The following PCDH15 variants were observed in gnomAD, a reference collection of about 807,000 sequenced individuals.
PCDH15 encodes the protein protocadherin-15.
In PCDH15, 129 loss-of-function variants were observed where a neutral mutation model predicts 178.5. The observed-to-expected ratio is 0.72, with a 90% CI of 0.63 to 0.84. The LOEUF is 0.84. Among genes scored for constraint, PCDH15 ranks in the 40% least tolerant of loss-of-function variants. The pLI is 0.00. For synonymous variants in PCDH15, 800 were observed against 732.0 expected, an observed-to-expected ratio of 1.09 and a Z score of -1.50; for missense variants, 2,230 against 2,099.9, an observed-to-expected ratio of 1.06 and a Z score of -1.21.
At chr10:55,452,249 T>C (rs1839451978) in intron 2 of PCDH15, among the ~76,000 whole-genome samples, 2 of 152,104 alleles carry the variant, frequency 1.3e-5, no homozygotes, top group African/African-American at 4.8e-5. Flanking sequence ...AAGACGAGTG[T>C]AAATGCCATT....
intron 2 of PCDH15, among the ~76,000 whole-genome samples, chr10:55,493,780 T>A (rs1011541647): frequency 1.3e-5 from 2 of 151,860 alleles, no homozygotes; most frequent in African/African-American, 4.8e-5. Context: ...CAGACTGAAA[T>A]TAAGTGATTA....
chr10:55,388,584 T>G (rs1386351471), intron 2 of PCDH15, among the ~76,000 whole-genome samples: 1 of 152,106 alleles, frequency 6.6e-6, no homozygotes, highest in Non-Finnish European at 1.5e-5. Flanking sequence ...AGAAATGGTT[T>G]AAGTCCTAAA....
At chr10:54,394,295 C>A (rs1950921704) in intron 3 of PCDH15, among the ~76,000 whole-genome samples, 2 of 150,840 alleles carry the variant, frequency 1.3e-5, no homozygotes, top group Admixed American at 1.3e-4. Flanking sequence ...TATCGGGGAA[C>A]CTGCCCCGAT....
At chr10:54,975,151 T>TG (rs1839036783) in intron 2 of PCDH15, among the ~76,000 whole-genome samples, 1 of 152,218 alleles carries the variant, frequency 6.6e-6, no homozygotes, top group South Asian at 2.1e-4. Context: ...TCATTTGGTC[T>TG]ATTTGCTTTC....
intron 2 of PCDH15, among the ~76,000 whole-genome samples, chr10:54,538,662 T>C (rs1219792): frequency 0.3 from 46,150 of 151,920 alleles, 7,738 homozygotes; most frequent in East Asian, 0.44. Context: ...ATCATGGGTG[T>C]AGGATTTGCC....
intron 18 of PCDH15, among the ~76,000 whole-genome samples, chr10:54,026,554 GAATT>G (rs1288473298): frequency 1.3e-5 from 2 of 152,144 alleles, no homozygotes; most frequent in East Asian, 3.9e-4. Context: ...TTAATTCACT[GAATT>G]CAAAGCTACC....
At chr10:54,111,977 A>AG in intron 15 of PCDH15, among the ~76,000 whole-genome samples, 1 of 124,502 alleles carries the variant, frequency 8.0e-6, no homozygotes, top group Admixed American at 8.0e-5. Context: ...AAATACAAAA[A>AG]AAAAAAAAAA....
intron 2 of PCDH15, among the ~76,000 whole-genome samples, chr10:54,580,401 CA>C (rs576069963): frequency 3.3e-5 from 5 of 151,882 alleles, no homozygotes; most frequent in Non-Finnish European, 5.9e-5. Context: ...ACAACCTCCC[CA>C]AATTGAATCA....
intron 2 of PCDH15, among the ~76,000 whole-genome samples, chr10:55,164,581 C>G (rs1839149255): frequency 6.6e-6 from 1 of 151,660 alleles, no homozygotes; most frequent in Non-Finnish European, 1.5e-5. Context: ...GCAAAATTAC[C>G]AAAGTTGTTC....
chr10:55,533,317 A>C (rs1194104539), intron 2 of PCDH15, among the ~76,000 whole-genome samples: 1 of 152,070 alleles, frequency 6.6e-6, no homozygotes, highest in Non-Finnish European at 1.5e-5. Context: ...ACATTATTGC[A>C]TATCTAGAAA....
chr10:54,901,206 T>C (rs1954633850), intron 2 of PCDH15, among the ~76,000 whole-genome samples: 1 of 152,010 alleles, frequency 6.6e-6, no homozygotes, highest in Non-Finnish European at 1.5e-5. Flanking sequence ...CTCAGGAGCC[T>C]GAGGTGGAAG....
intron 2 of PCDH15, among the ~76,000 whole-genome samples, chr10:54,618,173 T>A (rs992938512): frequency 3.3e-5 from 5 of 152,094 alleles, no homozygotes; most frequent in African/African-American, 1.2e-4. Flanking sequence ...ATAGACAAAG[T>A]ATGTAGATTA....
intron 2 of PCDH15, among the ~76,000 whole-genome samples, chr10:54,567,364 T>G (rs1394905832): frequency 6.6e-6 from 1 of 152,162 alleles, no homozygotes; most frequent in Non-Finnish European, 1.5e-5. Context: ...AATCTTTAAA[T>G]GAATCCTACT....
chr10:54,008,642 T>C (rs1324453435), intron 20 of PCDH15, among the ~76,000 whole-genome samples: 1 of 152,162 alleles, frequency 6.6e-6, no homozygotes, highest in African/African-American at 2.4e-5. Flanking sequence ...CACACCCTCA[T>C]CAGAGAAAAG....
chr10:53,932,618 T>C (rs919118631), intron 25 of PCDH15, among the ~76,000 whole-genome samples: 1 of 152,162 alleles, frequency 6.6e-6, no homozygotes, highest in Non-Finnish European at 1.5e-5. Flanking sequence ...CAAGTACAAC[T>C]TTACAACAAC....
intron 2 of PCDH15, among the ~76,000 whole-genome samples, chr10:55,543,728 TACA>T (rs1216876897): frequency 6.6e-6 from 1 of 151,588 alleles, no homozygotes; most frequent in Non-Finnish European, 1.5e-5. Flanking sequence ...TTCCCCAAAT[TACA>T]ACAAGCAACA....
At chr10:55,194,871 G>T (rs1156286556) in intron 1 of PCDH15, among the ~76,000 whole-genome samples, 3 of 151,374 alleles carry the variant, frequency 2.0e-5, no homozygotes, top group Non-Finnish European at 4.4e-5. Flanking sequence ...AATAGCCTTT[G>T]TCTCACCTTC....
At chr10:54,847,103 T>G (rs1481871868) in intron 3 of PCDH15, among the ~76,000 whole-genome samples, 1 of 152,128 alleles carries the variant, frequency 6.6e-6, no homozygotes, top group Non-Finnish European at 1.5e-5. Flanking sequence ...TTTTGAGGAT[T>G]TTACTAACTG....
At chr10:55,465,706 G>C (rs980010938) in intron 2 of PCDH15, among the ~76,000 whole-genome samples, 1 of 151,974 alleles carries the variant, frequency 6.6e-6, no homozygotes, top group Non-Finnish European at 1.5e-5. Flanking sequence ...GTATTTGCCC[G>C]GAGCTACCAG....
Sources: gnomAD v4.1 joint callset for allele counts (sites outside exome capture counted in the v4.1 genomes callset) on GRCh38, gnomAD v4.1.1 for gene constraint, MANE v1.5 for transcripts, NCBI Gene and HGNC (gene_info 2026-07-23, HGNC 2026-07-21) for gene names.